MYO16: variants seen among roughly 807,000 people sequenced by gnomAD.
The protein encoded by MYO16 is myosin XVI.
A neutral mutation model predicts 205.3 loss-of-function variants in MYO16; 94 were observed. The ratio of observed to expected loss-of-function variants is 0.46; its 90% CI spans 0.39 to 0.54. The LOEUF (loss-of-function observed/expected upper bound fraction) is 0.54. Ranked by LOEUF, MYO16 falls within the 20% of genes least tolerant of loss-of-function variation. The probability of loss-of-function intolerance (pLI) is 0.00; values close to 1 mark genes in which losing one functional copy is unlikely to be tolerated. For missense variants in MYO16, 2,315 were observed against 2,387.5 expected (o/e 0.97, Z 0.63); for synonymous variants, 988 against 954.0 (o/e 1.04, Z -0.66).
intron 6 of MYO16, among the ~76,000 whole-genome samples, chr13:108,804,297 G>A (rs1482681820): frequency 6.6e-6 from 1 of 152,122 alleles, no homozygotes; most frequent in Non-Finnish European, 1.5e-5. Context: ...TTTTTCGTGG[G>A]AACTGTGTTT....
At chr13:108,566,211 T>C in the MYO16 span, among the ~76,000 whole-genome samples, 4 of 152,158 alleles carry the variant, frequency 2.6e-5, no homozygotes, top group Non-Finnish European at 5.9e-5. Flanking sequence ...TTGCTTGTCA[T>C]TGGTCTGTTC....
At chr13:108,987,255 T>C (rs1884673981) in intron 20 of MYO16, among the ~76,000 whole-genome samples, 1 of 152,218 alleles carries the variant, frequency 6.6e-6, no homozygotes, top group African/African-American at 2.4e-5. Context: ...CTAGTGCAAC[T>C]GTCAGAATTG....
chr13:108,524,084 G>A, the MYO16 span, among the ~76,000 whole-genome samples: 1 of 152,108 alleles, frequency 6.6e-6, no homozygotes. Context: ...TGGATTGTCT[G>A]AGCTCAGCTG....
the MYO16 span, among the ~76,000 whole-genome samples, chr13:108,564,115 T>A: frequency 6.6e-6 from 1 of 152,162 alleles, no homozygotes; most frequent in Non-Finnish European, 1.5e-5. Context: ...ATCTTTCATA[T>A]GCCCGTTTCA....
chr13:108,508,041 G>A, the MYO16 span, among the ~76,000 whole-genome samples: 1 of 151,248 alleles, frequency 6.6e-6, no homozygotes, highest in Admixed American at 6.6e-5. Flanking sequence ...TCACACATAG[G>A]TTTCTGGATT....
intron 21 of MYO16, among the ~76,000 whole-genome samples, chr13:109,001,737 A>G (rs1486372715): frequency 1.3e-5 from 2 of 152,138 alleles, no homozygotes; most frequent in African/African-American, 4.8e-5. Flanking sequence ...AGTTTATAGT[A>G]TGCTTGAAGT....
intron 10 of MYO16, among the ~76,000 whole-genome samples, chr13:108,850,050 G>A (rs938776504): frequency 1.8e-4 from 26 of 146,430 alleles, no homozygotes; most frequent in Admixed American, 1.6e-3. Flanking sequence ...CTCTTTTTTT[G>A]TGTGTGTAAC....
chr13:108,784,603 GA>G (rs71125339), intron 4 of MYO16, among the ~76,000 whole-genome samples: 1 of 151,948 alleles, frequency 6.6e-6, no homozygotes, highest in African/African-American at 2.4e-5. Context: ...AAGAATAATA[GA>G]AAAAACTCTA....
the MYO16 span, among the ~76,000 whole-genome samples, chr13:108,501,554 A>G: frequency 2.0e-5 from 3 of 152,214 alleles, no homozygotes; most frequent in Non-Finnish European, 4.4e-5. Context: ...AAAAGGTCTG[A>G]TTATTTTCCC....
chr13:109,004,716 A>G (rs1885333803), intron 21 of MYO16, among the ~76,000 whole-genome samples: 1 of 152,120 alleles, frequency 6.6e-6, no homozygotes, highest in African/African-American at 2.4e-5. Flanking sequence ...CTTGGTTTTG[A>G]TGGAATAATT....
intron 22 of MYO16, among the ~76,000 whole-genome samples, chr13:109,011,017 C>A (rs1207320756): frequency 6.9e-6 from 1 of 145,564 alleles, no homozygotes; most frequent in Non-Finnish European, 1.5e-5. Flanking sequence ...CTCATGGGGG[C>A]CCCCGGCCAC....
chr13:109,066,477 T>C (rs1272603297), intron 27 of MYO16, among the ~76,000 whole-genome samples: 1 of 152,184 alleles, frequency 6.6e-6, no homozygotes, highest in Non-Finnish European at 1.5e-5. Context: ...CTGTAACTTT[T>C]CAATGAAATG....
chr13:109,073,643 G>GC (rs1887997249), intron 27 of MYO16, among the ~76,000 whole-genome samples: 1 of 152,136 alleles, frequency 6.6e-6, no homozygotes, highest in African/African-American at 2.4e-5. Context: ...GCCACTGACT[G>GC]CCTATGCTAT....
chr13:109,185,446 C>A (rs1251084717), intron 34 of MYO16, among the ~76,000 whole-genome samples: 1 of 151,816 alleles, frequency 6.6e-6, no homozygotes, highest in Admixed American at 6.6e-5. Context: ...TTATGGTATT[C>A]CTTTCTTTGC....
chr13:109,048,342 A>C (rs531564008), intron 24 of MYO16: 1 of 758,770 alleles, frequency 1.3e-6, no homozygotes, highest in African/African-American at 1.7e-5. Context: ...CTTTAGGAGG[A>C]AGGTGCTTCT....
Position 108,992,436 on chromosome 13 carries a change from T to C in MYO16, c.2430T>C (p.Asn810=). ...DIFGFEEFQK[N]EFEQLCVNMT... ...TTGGTTTTGAAGAGTTTCAAAAGAA[T>C]GAATTTGAACAAGTAAGTAGTCTTT... Residue 810 remains asparagine (N), a synonymous_variant, in exon 21 of 35, where the codon AAT becomes AAC. Transcript: ENST00000457511. 6.3e-7 allele frequency: 1 copy of C among 1,585,468 alleles called. No homozygotes were observed. The highest frequency in any genetic ancestry group is 2.2e-5 in the East Asian group (1 of 44,638).
upstream of MYO16, among the ~76,000 whole-genome samples, chr13:108,625,553 A>C (rs1461014497): frequency 6.6e-6 from 1 of 150,916 alleles, no homozygotes; most frequent in Non-Finnish European, 1.5e-5. Context: ...ACCCAGAAGC[A>C]GTCAATATTT....
chr13:109,182,058 TC>T (rs1333508197), intron 34 of MYO16, among the ~76,000 whole-genome samples: 1 of 152,106 alleles, frequency 6.6e-6, no homozygotes, highest in African/African-American at 2.4e-5. Flanking sequence ...ACCTCAGTGA[TC>T]CGTCCGCCTC....
chr13:108,757,275 G>A (rs888636926), intron 4 of MYO16, among the ~76,000 whole-genome samples: 1 of 152,130 alleles, frequency 6.6e-6, no homozygotes, highest in African/African-American at 2.4e-5. Flanking sequence ...TGTCTGTGAT[G>A]AATTCACCAT....
Sources: allele counts gnomAD v4.1 joint callset (sites outside exome capture counted in the v4.1 genomes callset), GRCh38; gene constraint gnomAD v4.1.1; transcripts MANE v1.5; gene names NCBI Gene and HGNC (gene_info 2026-07-23, HGNC 2026-07-21).